Variants in CHN2 observed in about 807,000 individuals in gnomAD.
The protein encoded by CHN2 is chimerin 2.
A neutral mutation model predicts 56.3 loss-of-function variants in CHN2; 35 were observed. The observed-to-expected ratio is 0.62, with a 90% CI of 0.47 to 0.82. The LOEUF (loss-of-function observed/expected upper bound fraction) is 0.82, where lower values mean the gene tolerates loss of function less well. CHN2 is among the 40% of genes least tolerant of loss of function. CHN2 has a pLI of 0.00. For missense variants in CHN2, 491 were observed against 580.5 expected, an observed-to-expected ratio of 0.85 and a Z score of 1.58; for synonymous variants, 210 against 212.8, an observed-to-expected ratio of 0.99 and a Z score of 0.12.
chr7:29,212,890 A>G, intron 1 of CHN2: 2 of 1,610,730 alleles, frequency 1.2e-6, no homozygotes, highest in Non-Finnish European at 1.7e-6. Flanking sequence ...AATGTGGAGC[A>G]ACCAGACCTG....
At chr7:29,432,295 A>C (rs1253412804) in intron 6 of CHN2, among the ~76,000 whole-genome samples, 1 of 152,200 alleles carries the variant, frequency 6.6e-6, no homozygotes, top group East Asian at 1.9e-4. Context: ...ATGTCTTGCT[A>C]TAATACAGTG....
At chr7:29,199,210 C>T (rs1436549457) in intron 1 of CHN2, among the ~76,000 whole-genome samples, 4 of 152,086 alleles carry the variant, frequency 2.6e-5, no homozygotes, top group African/African-American at 9.7e-5. Flanking sequence ...AAACCAGTAA[C>T]GTAGATAAGT....
intron 1 of CHN2, among the ~76,000 whole-genome samples, chr7:29,275,904 A>AT (rs1363174069): frequency 6.6e-6 from 1 of 151,964 alleles, no homozygotes; most frequent in African/African-American, 2.4e-5. Context: ...ACAGAATTAG[A>AT]TTTTTTGTGC....
chr7:29,307,716 A>AT (rs1268399904), intron 1 of CHN2, among the ~76,000 whole-genome samples: 2 of 152,122 alleles, frequency 1.3e-5, no homozygotes, highest in Non-Finnish European at 2.9e-5. Flanking sequence ...GACAAAATAG[A>AT]TTCTTCCTTA....
intron 3 of CHN2, among the ~76,000 whole-genome samples, chr7:29,371,685 C>G (rs1300930276): frequency 1.3e-5 from 2 of 152,182 alleles, no homozygotes; most frequent in African/African-American, 2.4e-5. Context: ...CTCAGGCCAC[C>G]ACCTGTCTCA....
chr7:29,323,260 G>A (rs1451463484), intron 1 of CHN2, among the ~76,000 whole-genome samples: 1 of 151,296 alleles, frequency 6.6e-6, no homozygotes, highest in African/African-American at 2.4e-5. Flanking sequence ...TGACCTTTCA[G>A]ATGTTTGAAG....
At chr7:29,302,331 G>A (rs905064045) in intron 1 of CHN2, among the ~76,000 whole-genome samples, 6 of 142,110 alleles carry the variant, frequency 4.2e-5, no homozygotes, top group South Asian at 2.3e-4. Context: ...TTCTTTCTTC[G>A]TATTTCTTCT....
rs543606963 is a variant in CHN2 at position 29,316,516 on chromosome 7, A to G, written c.50-38109A>G. ...CACTGTAGCACCTATTTTCTGACAC[A>G]GTTCAGTATCATGCAGGTTCCTTAG... is the stretch of plus-strand genomic sequence containing the variant. On this transcript the variant is annotated intron_variant, in intron 1 of 12. Transcript: ENST00000222792. Among the ~76,000 whole-genome samples, 9 of 152,314 alleles carry G rather than the reference A, an allele frequency of 5.9e-5. No homozygotes were observed. The Middle Eastern group carries it at 0.014, about 230-fold the overall frequency.
intron 1 of CHN2, among the ~76,000 whole-genome samples, chr7:29,204,065 C>CTGTGTGTG (rs755525736): frequency 5.3e-4 from 72 of 136,008 alleles, no homozygotes; most frequent in Admixed American, 8.4e-4. Context: ...TTTTCTCTCT[C>CTGTGTGTG]TCTGTGTGTG....
At chr7:29,429,242 C>G (rs776402158) in intron 6 of CHN2, among the ~76,000 whole-genome samples, 4 of 152,072 alleles carry the variant, frequency 2.6e-5, no homozygotes, top group Non-Finnish European at 5.9e-5. Context: ...TAGTTTTTGC[C>G]CTAGTCATTT....
At chr7:29,221,957 A>G (rs1785839253) in intron 1 of CHN2, among the ~76,000 whole-genome samples, 1 of 152,168 alleles carries the variant, frequency 6.6e-6, no homozygotes, top group Non-Finnish European at 1.5e-5. Flanking sequence ...AATGATTTAT[A>G]TTCTTTTGGA....
intron 2 of CHN2, among the ~76,000 whole-genome samples, chr7:29,367,190 A>G (rs1385329229): frequency 6.6e-6 from 1 of 152,156 alleles, no homozygotes; most frequent in Non-Finnish European, 1.5e-5. Context: ...ATCACTCATT[A>G]TGTTCCGAAA....
intron 1 of CHN2, among the ~76,000 whole-genome samples, chr7:29,313,169 G>A (rs933543146): frequency 1.3e-5 from 2 of 152,078 alleles, no homozygotes; most frequent in Non-Finnish European, 2.9e-5. Flanking sequence ...CACTGAACCA[G>A]CTCACAAGTC....
intron 2 of CHN2, among the ~76,000 whole-genome samples, chr7:29,173,318 G>C (rs1796856713): frequency 6.6e-6 from 1 of 152,066 alleles, no homozygotes; most frequent in African/African-American, 2.4e-5. Context: ...AGCCTCGAGT[G>C]GGGGCCTAAC....
chr7:29,333,222 C>T (rs1161105630), intron 1 of CHN2, among the ~76,000 whole-genome samples: 1 of 152,146 alleles, frequency 6.6e-6, no homozygotes, highest in African/African-American at 2.4e-5. Context: ...AGGGGAGGCA[C>T]ATCTAGTTCT....
intron 1 of CHN2, among the ~76,000 whole-genome samples, chr7:29,276,799 T>C (rs904725121): frequency 6.6e-6 from 1 of 152,166 alleles, no homozygotes; most frequent in Non-Finnish European, 1.5e-5. Context: ...ATGATGCCAG[T>C]TTGAGGTGCA....
At chr7:29,507,969 A>T (rs1393125668) in intron 11 of CHN2, among the ~76,000 whole-genome samples, 5 of 152,176 alleles carry the variant, frequency 3.3e-5, no homozygotes, top group Non-Finnish European at 1.5e-5. Flanking sequence ...GCAGAATTTC[A>T]TTCCTAGTCA....
At chr7:29,321,716 A>G (rs1355355919) in intron 1 of CHN2, among the ~76,000 whole-genome samples, 3 of 151,874 alleles carry the variant, frequency 2.0e-5, no homozygotes, top group Non-Finnish European at 2.9e-5. Flanking sequence ...GATTACAGGC[A>G]TGCACCACCA....
chr7:29,481,504 A>G (rs985610824), intron 7 of CHN2, among the ~76,000 whole-genome samples: 1 of 152,200 alleles, frequency 6.6e-6, no homozygotes, highest in Admixed American at 6.5e-5. Context: ...TTTGCATGCT[A>G]TAATTGAACT....
Sources: allele counts gnomAD v4.1 joint callset (sites outside exome capture counted in the v4.1 genomes callset), GRCh38; gene constraint gnomAD v4.1.1; transcripts MANE v1.5; gene names NCBI Gene and HGNC (gene_info 2026-07-23, HGNC 2026-07-21).